Variants in DTD1 observed in about 807,000 individuals in gnomAD.
DTD1 encodes the protein D-tyrosyl-tRNA deacylase 1 homolog.
In DTD1, 13 loss-of-function variants were observed where a neutral mutation model predicts 25.6. The ratio of observed to expected loss-of-function variants is 0.51; its 90% CI spans 0.33 to 0.81. The LOEUF (loss-of-function observed/expected upper bound fraction) is 0.81. Among genes scored for constraint, DTD1 ranks in the 30% least tolerant of loss-of-function variants. The pLI is 0.02. For synonymous variants in DTD1, 110 were observed against 103.6 expected (o/e 1.06, Z -0.37); for missense variants, 193 against 266.4 (o/e 0.72, Z 1.92).
intron 4 of DTD1, among the ~76,000 whole-genome samples, chr20:18,716,467 C>T (rs556819280): frequency 1.6e-4 from 24 of 152,312 alleles, no homozygotes; most frequent in African/African-American, 4.8e-4. Flanking sequence ...CCGGGTCTCA[C>T]GGGAGGCCCA....
At chr20:18,759,733 C>G (rs974794336) in intron 5 of DTD1, among the ~76,000 whole-genome samples, 2 of 152,266 alleles carry the variant, frequency 1.3e-5, no homozygotes, top group East Asian at 3.9e-4. Context: ...TCTTCTCGAG[C>G]AGTATCTTTG....
chr20:18,699,968 A>G (rs2061096873), intron 4 of DTD1, among the ~76,000 whole-genome samples: 1 of 152,218 alleles, frequency 6.6e-6, no homozygotes, highest in Non-Finnish European at 1.5e-5. Flanking sequence ...CATAGCATTA[A>G]CTAATAATGA....
At chr20:18,596,287 T>G in intron 3 of DTD1, 46 bp downstream of exon 3, 1 of 1,503,024 alleles carries the variant, frequency 6.7e-7, no homozygotes. Flanking sequence ...GGGACACTCC[T>G]GGATGGAGAG....
chr20:18,642,352 C>T lies in DTD1; in HGVS notation c.477+14119C>T, dbSNP rs147137559. ...TTTCATTGTCTCAAGGTCTGCTGAA[C>T]TCTGGATCCAGGCTGTGTCAGTAGG... On this transcript the variant is annotated intron_variant, in intron 4 of 5. Transcript: ENST00000377452. Among the ~76,000 whole-genome samples the T allele has an allele frequency of 4.1e-3, 619 of 152,292 alleles. 2 individuals carry two copies. Among genetic ancestry groups the T allele is most frequent in the African/African-American group, 0.014 (566 of 41,558 alleles).
At chr20:18,687,861 G>GACAGTA (rs950299003) in intron 4 of DTD1, among the ~76,000 whole-genome samples, 1 of 152,266 alleles carries the variant, frequency 6.6e-6, no homozygotes, top group Admixed American at 6.5e-5. Context: ...ACAGTCTTTG[G>GACAGTA]ACAGTAACAG....
intron 5 of DTD1, among the ~76,000 whole-genome samples, chr20:18,758,658 T>C (rs1012936281): frequency 2.0e-5 from 3 of 152,220 alleles, no homozygotes; most frequent in African/African-American, 7.2e-5. Context: ...AATTTGTTCT[T>C]TTACATTTGC....
chr20:18,748,448 T>C (rs1019413930), intron 5 of DTD1, among the ~76,000 whole-genome samples: 1 of 152,222 alleles, frequency 6.6e-6, no homozygotes, highest in African/African-American at 2.4e-5. Context: ...TTCCATTTGC[T>C]TTAGATTTGG....
chr20:18,633,458 C>A (rs1171983865), intron 4 of DTD1, among the ~76,000 whole-genome samples: 1 of 152,204 alleles, frequency 6.6e-6, no homozygotes, highest in East Asian at 1.9e-4. Flanking sequence ...CATCTGCTAT[C>A]ATGGTCCACA....
chr20:18,737,579 A>C (rs959930604), intron 4 of DTD1, among the ~76,000 whole-genome samples: 9 of 151,466 alleles, frequency 5.9e-5, no homozygotes, highest in African/African-American at 9.7e-5. Context: ...CTGCTCCCTC[A>C]CTCTGATCTG....
At chr20:18,707,194 G>T (rs917035972) in intron 4 of DTD1, among the ~76,000 whole-genome samples, 2 of 152,228 alleles carry the variant, frequency 1.3e-5, no homozygotes, top group African/African-American at 4.8e-5. Context: ...ACATGGTCAG[G>T]ATTCCAGTTA....
At chr20:18,745,537 G>A (rs536470043) in intron 5 of DTD1, among the ~76,000 whole-genome samples, 7 of 152,318 alleles carry the variant, frequency 4.6e-5, no homozygotes, top group African/African-American at 1.7e-4. Flanking sequence ...CCCCTCAGAG[G>A]CCTGGGACCA....
At chr20:18,708,208 T>A (rs55796328) in intron 4 of DTD1, among the ~76,000 whole-genome samples, 425 of 5,484 alleles carry the variant, frequency 0.077, 8 homozygotes, top group Non-Finnish European at 0.29. Context: ...TATATATATT[T>A]TATATATATA....
At chr20:18,746,182 T>G (rs2061299339) in intron 5 of DTD1, among the ~76,000 whole-genome samples, 1 of 152,120 alleles carries the variant, frequency 6.6e-6, no homozygotes, top group South Asian at 2.1e-4. Context: ...AGTCTGTGGC[T>G]TTAGAGCTGG....
At chr20:18,623,381 ATCT>A (rs769656622) in intron 3 of DTD1, among the ~76,000 whole-genome samples, 20 of 151,320 alleles carry the variant, frequency 1.3e-4, no homozygotes, top group Non-Finnish European at 2.2e-4. Flanking sequence ...TTTTGCTTTA[ATCT>A]TCTTCACTCT....
chr20:18,663,055 T>A (rs2060917533), intron 4 of DTD1, among the ~76,000 whole-genome samples: 1 of 152,202 alleles, frequency 6.6e-6, no homozygotes, highest in Non-Finnish European at 1.5e-5. Flanking sequence ...CTCACTTCCC[T>A]GCCCCTTTGG....
At chr20:18,644,989 T>C (rs1036536991) in intron 4 of DTD1, among the ~76,000 whole-genome samples, 2 of 151,918 alleles carry the variant, frequency 1.3e-5, no homozygotes, top group East Asian at 1.9e-4. Context: ...CTACAAATAA[T>C]AATAAAAAAA....
intron 4 of DTD1, among the ~76,000 whole-genome samples, chr20:18,661,457 T>C (rs559116862): frequency 8.7e-5 from 13 of 149,424 alleles, no homozygotes; most frequent in Admixed American, 2.0e-4. Context: ...CTGCAAGCTC[T>C]GCCTCCCAGG....
chr20:18,660,958 C>A (rs1202356478), intron 4 of DTD1, among the ~76,000 whole-genome samples: 3 of 152,162 alleles, frequency 2.0e-5, no homozygotes, highest in Non-Finnish European at 2.9e-5. Context: ...TTTTATCTAC[C>A]CACCTTTAGG....
intron 4 of DTD1, among the ~76,000 whole-genome samples, chr20:18,729,316 C>T (rs968239221): frequency 2.0e-5 from 3 of 152,184 alleles, no homozygotes; most frequent in East Asian, 1.9e-4. Flanking sequence ...ACAGTTTTGT[C>T]GTGGTTTGCT....
Sources: allele counts gnomAD v4.1 joint callset (sites outside exome capture counted in the v4.1 genomes callset), GRCh38; gene constraint gnomAD v4.1.1; transcripts MANE v1.5; gene names NCBI Gene and HGNC (gene_info 2026-07-23, HGNC 2026-07-21).